Variants in TRAPPC9 observed in about 807,000 individuals in gnomAD.
TRAPPC9 encodes the protein trafficking protein particle complex subunit 9.
Under a neutral mutation model 124.0 loss-of-function variants are expected in TRAPPC9, and 83 were observed. The observed-to-expected ratio is 0.67, with a 90% CI of 0.56 to 0.80. The LOEUF is 0.80. Among genes scored for constraint, TRAPPC9 ranks in the 30% least tolerant of loss-of-function variants. TRAPPC9 has a pLI of 0.00. For missense variants in TRAPPC9, 1,302 were observed against 1,508.3 expected, an observed-to-expected ratio of 0.86 and a Z score of 2.27; for synonymous variants, 638 against 617.5, an observed-to-expected ratio of 1.03 and a Z score of -0.49.
intron 19 of TRAPPC9, among the ~76,000 whole-genome samples, chr8:139,971,003 C>T (rs543457791): frequency 1.3e-5 from 2 of 152,002 alleles, no homozygotes; most frequent in South Asian, 4.2e-4. Flanking sequence ...CTTCTCCATA[C>T]CCCACACCCC....
chr8:140,442,351 G>A (rs2071046181), intron 2 of TRAPPC9, among the ~76,000 whole-genome samples: 1 of 152,114 alleles, frequency 6.6e-6, no homozygotes, highest in African/African-American at 2.4e-5. Context: ...TGTAATCCCA[G>A]CACTTTGGGA....
At chr8:140,240,038 C>T (rs915073289) in intron 16 of TRAPPC9, among the ~76,000 whole-genome samples, 1 of 152,060 alleles carries the variant, frequency 6.6e-6, no homozygotes, top group African/African-American at 2.4e-5. Flanking sequence ...CGATGGCTCT[C>T]GAATAAAATT....
intron 7 of TRAPPC9, among the ~76,000 whole-genome samples, chr8:140,383,223 C>A (rs564164984): frequency 1.4e-4 from 22 of 152,290 alleles, no homozygotes; most frequent in Admixed American, 1.4e-3. Flanking sequence ...AAAAACAGAG[C>A]AGAAAAACTG....
chr8:140,061,072 G>A (rs1160662206), intron 17 of TRAPPC9, among the ~76,000 whole-genome samples: 2 of 152,186 alleles, frequency 1.3e-5, no homozygotes, highest in Non-Finnish European at 2.9e-5. Context: ...CATGGGGCCT[G>A]CACATTCTTT....
intron 21 of TRAPPC9, among the ~76,000 whole-genome samples, chr8:139,824,192 G>A (rs986768307): frequency 1.3e-5 from 2 of 152,182 alleles, no homozygotes; most frequent in Non-Finnish European, 2.9e-5. Flanking sequence ...AGGTTTTCTG[G>A]GTCTTGGAAC....
intron 9 of TRAPPC9, among the ~76,000 whole-genome samples, chr8:140,359,064 G>A (rs937206750): frequency 2.0e-5 from 3 of 152,200 alleles, no homozygotes; most frequent in African/African-American, 7.2e-5. Context: ...CAGTGAGGGA[G>A]GAGAATGGCC....
chr8:140,419,649 G>A (rs2070124510), intron 5 of TRAPPC9, among the ~76,000 whole-genome samples: 1 of 151,698 alleles, frequency 6.6e-6, no homozygotes, highest in South Asian at 2.1e-4. Flanking sequence ...ACTTTGGGAG[G>A]CCGAGGCAAG....
intron 3 of TRAPPC9, among the ~76,000 whole-genome samples, chr8:140,438,355 C>A (rs771625651): frequency 6.6e-6 from 1 of 152,214 alleles, no homozygotes; most frequent in Non-Finnish European, 1.5e-5. Flanking sequence ...CTTTTCATGG[C>A]TGAATAATAT....
At chr8:140,328,977 G>A (rs1169840891) in intron 9 of TRAPPC9, among the ~76,000 whole-genome samples, 7 of 152,096 alleles carry the variant, frequency 4.6e-5, no homozygotes, top group African/African-American at 9.7e-5. Flanking sequence ...CAAGCTCGTC[G>A]GAAGACAGCA....
chr8:140,301,148 C>A (rs567760272), intron 10 of TRAPPC9, among the ~76,000 whole-genome samples: 1 of 152,320 alleles, frequency 6.6e-6, no homozygotes, highest in South Asian at 2.1e-4. Flanking sequence ...AGACTCTGAC[C>A]CATGGGAAGA....
At chr8:140,208,368 T>C (rs2062977050) in intron 17 of TRAPPC9, among the ~76,000 whole-genome samples, 2 of 152,110 alleles carry the variant, frequency 1.3e-5, no homozygotes, top group South Asian at 4.2e-4. Context: ...AAATATTTCA[T>C]CTCTTAAGGT....
At chr8:139,887,802 T>C (rs1011960232) in intron 20 of TRAPPC9, among the ~76,000 whole-genome samples, 2 of 152,246 alleles carry the variant, frequency 1.3e-5, no homozygotes, top group Non-Finnish European at 2.9e-5. Context: ...GGCAGAGACC[T>C]GGTCTTAGGG....
rs549959497 is a variant in TRAPPC9 at position 140,047,259 on chromosome 8, G to A, written c.2557-23180C>T. On this transcript the variant is annotated intron_variant, in intron 17 of 22. Coordinates refer to ENST00000438773, the MANE Select transcript of TRAPPC9 (RefSeq NM_001160372.4). ...CGCACGCACAAAACACATGCTCCTC[G>A]GCGGAGGCCCCTTTCAGAAACACGC... is the stretch of plus-strand genomic sequence containing the variant. 1.1e-4 allele frequency among the ~76,000 whole-genome samples: 17 copies of A among 152,318 alleles called. No homozygotes were observed. In the East Asian group the frequency reaches 1.2e-3, roughly 10 times the overall value.
chr8:139,756,703 C>G (rs566144371), intron 21 of TRAPPC9, among the ~76,000 whole-genome samples: 1,479 of 23,918 alleles, frequency 0.062, no homozygotes, highest in Admixed American at 0.088. Context: ...AGGAGCCAGG[C>G]TTTGGGGATG....
intron 21 of TRAPPC9, among the ~76,000 whole-genome samples, chr8:139,743,359 T>C (rs549357535): frequency 3.9e-5 from 6 of 152,322 alleles, no homozygotes; most frequent in African/African-American, 1.4e-4. Context: ...CTAAGTAGAC[T>C]TCAGTTGCAA....
intron 9 of TRAPPC9, among the ~76,000 whole-genome samples, chr8:140,328,875 A>T (rs2066814366): frequency 6.6e-6 from 1 of 152,140 alleles, no homozygotes; most frequent in South Asian, 2.1e-4. Flanking sequence ...GGAGGTAGAG[A>T]CAAGACTGGC....
chr8:139,746,180 C>G (rs912092938), intron 21 of TRAPPC9, among the ~76,000 whole-genome samples: 8 of 152,322 alleles, frequency 5.3e-5, no homozygotes, highest in Admixed American at 2.0e-4. Flanking sequence ...ACATCTGCCC[C>G]CTCCGTGAGG....
chr8:140,158,160 G>C (rs1229790848), intron 17 of TRAPPC9, among the ~76,000 whole-genome samples: 1 of 152,116 alleles, frequency 6.6e-6, no homozygotes, highest in South Asian at 2.1e-4. Flanking sequence ...GTATATGATA[G>C]TAGACCAAGT....
At chr8:140,328,281 T>C (rs1431744868) in intron 9 of TRAPPC9, among the ~76,000 whole-genome samples, 2 of 152,004 alleles carry the variant, frequency 1.3e-5, no homozygotes, top group Non-Finnish European at 2.9e-5. Context: ...AATTAATTAA[T>C]TAATAACAAT....
Sources: allele counts gnomAD v4.1 joint callset (sites outside exome capture counted in the v4.1 genomes callset), GRCh38; gene constraint gnomAD v4.1.1; transcripts MANE v1.5; gene names NCBI Gene and HGNC (gene_info 2026-07-23, HGNC 2026-07-21).